Variants in CNTN5 observed in about 807,000 individuals in gnomAD.
CNTN5 encodes contactin 5.
Under a neutral mutation model 129.1 loss-of-function variants are expected in CNTN5, and 77 were observed. The observed-to-expected ratio is 0.60, with a 90% confidence interval of 0.50 to 0.72. The LOEUF (loss-of-function observed/expected upper bound fraction) is 0.72. CNTN5 is among the 30% of genes least tolerant of loss of function. The pLI, the probability that CNTN5 is intolerant of heterozygous loss-of-function variation, is 0.00. For missense variants in CNTN5, 1,478 were observed against 1,328.8 expected (o/e 1.11, Z -1.75); for synonymous variants, 509 against 465.6 (o/e 1.09, Z -1.20).
chr11:100,203,799 T>TACACACACACACAC (rs59141425), intron 15 of CNTN5, among the ~76,000 whole-genome samples: 9,479 of 139,012 alleles, frequency 0.068, 556 homozygotes, highest in East Asian at 0.26. Context: ...AATGTGCACG[T>TACACACACACACAC]ACACACACAC....
At chr11:100,130,736 C>A (rs1181546803) in intron 13 of CNTN5, among the ~76,000 whole-genome samples, 1 of 151,916 alleles carries the variant, frequency 6.6e-6, no homozygotes, top group Non-Finnish European at 1.5e-5. Flanking sequence ...AGGATGAGAG[C>A]AGAATAAATA....
chr11:99,855,025 T>C (rs570752695), intron 6 of CNTN5, among the ~76,000 whole-genome samples: 99 of 152,100 alleles, frequency 6.5e-4, no homozygotes, highest in Non-Finnish European at 1.2e-3. Flanking sequence ...AAAAGACCTT[T>C]GGGCCAGGTG....
At chr11:100,288,598 C>T (rs1166418148) in intron 18 of CNTN5, among the ~76,000 whole-genome samples, 4 of 152,008 alleles carry the variant, frequency 2.6e-5, no homozygotes, top group African/African-American at 7.2e-5. Context: ...CTCTGGGACA[C>T]ATTCAAAGCA....
chr11:99,693,331 C>A (rs553493382), intron 3 of CNTN5, among the ~76,000 whole-genome samples: 16 of 152,010 alleles, frequency 1.1e-4, no homozygotes, highest in Non-Finnish European at 2.2e-4. Context: ...TAAAAAATTC[C>A]TTTCTGTATG....
chr11:99,976,016 G>A (rs1937931200), intron 8 of CNTN5, among the ~76,000 whole-genome samples: 1 of 152,168 alleles, frequency 6.6e-6, no homozygotes, highest in Non-Finnish European at 1.5e-5. Context: ...TTACAATGTG[G>A]GTATAGGCAC....
At chr11:99,863,316 T>C (rs1187446670) in intron 6 of CNTN5, among the ~76,000 whole-genome samples, 3 of 152,128 alleles carry the variant, frequency 2.0e-5, no homozygotes, top group Non-Finnish European at 2.9e-5. Flanking sequence ...CTGGTTAGTA[T>C]AGTCGTAGGA....
At chr11:99,811,486 C>G (rs1031623517) in intron 3 of CNTN5, among the ~76,000 whole-genome samples, 1 of 147,388 alleles carries the variant, frequency 6.8e-6, no homozygotes, top group Non-Finnish European at 1.5e-5. Flanking sequence ...AATATTATAA[C>G]TATTATATTT....
chr11:99,674,354 C>T (rs1953180585), intron 3 of CNTN5, among the ~76,000 whole-genome samples: 1 of 151,764 alleles, frequency 6.6e-6, no homozygotes, highest in African/African-American at 2.4e-5. Flanking sequence ...CGATTTTAGA[C>T]CTTTGTCAGA....
chr11:99,911,454 A>G (rs1394446214), intron 6 of CNTN5, among the ~76,000 whole-genome samples: 11 of 151,924 alleles, frequency 7.2e-5, no homozygotes, highest in African/African-American at 2.2e-4. Flanking sequence ...AATCAACCAC[A>G]GCGTTTTACT....
chr11:100,179,241 G>C (rs1167196720), intron 13 of CNTN5, among the ~76,000 whole-genome samples: 1 of 151,828 alleles, frequency 6.6e-6, no homozygotes, highest in Non-Finnish European at 1.5e-5. Context: ...TGCTGCCACA[G>C]CCTCAGGTAA....
intron 2 of CNTN5, among the ~76,000 whole-genome samples, chr11:99,505,400 AAGAG>A (rs1177370233): frequency 7.9e-5 from 12 of 152,332 alleles, no homozygotes; most frequent in African/African-American, 1.7e-4. Context: ...GTATTTGCAG[AAGAG>A]AGAAAGAGTT....
At chr11:99,756,311 G>GT (rs1944402168) in intron 3 of CNTN5, among the ~76,000 whole-genome samples, 1 of 151,988 alleles carries the variant, frequency 6.6e-6, no homozygotes, top group Non-Finnish European at 1.5e-5. Context: ...CTCTACCTAT[G>GT]TTTTTTTATA....
intron 9 of CNTN5, among the ~76,000 whole-genome samples, chr11:100,007,793 T>A (rs575424719): frequency 5.3e-4 from 80 of 152,192 alleles, no homozygotes; most frequent in Non-Finnish European, 7.6e-4. Flanking sequence ...AAAACTTTTT[T>A]TTTTTCATTC....
chr11:99,057,882 T>C (rs1185789474), intron 1 of CNTN5, among the ~76,000 whole-genome samples: 2 of 151,412 alleles, frequency 1.3e-5, no homozygotes, highest in East Asian at 1.9e-4. Flanking sequence ...AAAGACATTG[T>C]TGAAATTTTA....
intron 3 of CNTN5, among the ~76,000 whole-genome samples, chr11:99,757,994 G>A (rs1944458777): frequency 6.6e-6 from 1 of 152,014 alleles, no homozygotes; most frequent in African/African-American, 2.4e-5. Context: ...TTGCTTAATT[G>A]TAGAAGCAGT....
intron 2 of CNTN5, among the ~76,000 whole-genome samples, chr11:99,484,991 G>A (rs374772808): frequency 3.3e-5 from 5 of 152,118 alleles, no homozygotes; most frequent in African/African-American, 1.2e-4. Flanking sequence ...AGGAGGAATA[G>A]GTTAGTGTCC....
chr11:99,799,563 C>T (rs1248802730), intron 3 of CNTN5, among the ~76,000 whole-genome samples: 1 of 151,706 alleles, frequency 6.6e-6, no homozygotes, highest in Non-Finnish European at 1.5e-5. Context: ...TTTGTGTAAG[C>T]TGAACCCACC....
At chr11:99,666,142 A>C (rs1952783716) in intron 3 of CNTN5, among the ~76,000 whole-genome samples, 1 of 151,838 alleles carries the variant, frequency 6.6e-6, no homozygotes, top group Admixed American at 6.6e-5. Context: ...TGATTTTTGT[A>C]TTTTTAGTGG....
chr11:100,054,904 C>T (rs944860236), intron 9 of CNTN5, among the ~76,000 whole-genome samples: 5 of 150,628 alleles, frequency 3.3e-5, no homozygotes, highest in Admixed American at 2.7e-4. Flanking sequence ...CTATTTTCAA[C>T]TTGTTACTTA....
Sources: gnomAD v4.1 joint callset for allele counts (sites outside exome capture counted in the v4.1 genomes callset) on GRCh38, gnomAD v4.1.1 for gene constraint, MANE v1.5 for transcripts, NCBI Gene and HGNC (gene_info 2026-07-23, HGNC 2026-07-21) for gene names.